The following MTA3 variants were observed in gnomAD, a reference collection of about 807,000 sequenced individuals.
The protein encoded by MTA3 is metastasis-associated protein MTA3.
A neutral mutation model predicts 83.5 loss-of-function variants in MTA3; 34 were observed. That is an observed-to-expected ratio of 0.41 (90% CI 0.31 to 0.54). MTA3 has a LOEUF of 0.54. Ranked by LOEUF, MTA3 falls within the 20% of genes least tolerant of loss-of-function variation. MTA3 has a pLI of 0.33. For missense variants in MTA3, 761 were observed against 726.4 expected (o/e 1.05, Z -0.55); for synonymous variants, 303 against 252.7 (o/e 1.20, Z -1.89).
intron 2 of MTA3, among the ~76,000 whole-genome samples, chr2:42,548,014 A>G (rs1004969360): frequency 6.6e-5 from 10 of 152,204 alleles, no homozygotes; most frequent in African/African-American, 1.9e-4. Flanking sequence ...AGCTACTATG[A>G]AAAATAAGAT....
intron 2 of MTA3, among the ~76,000 whole-genome samples, chr2:42,556,580 C>G (rs1677403174): frequency 6.6e-6 from 1 of 152,190 alleles, no homozygotes; most frequent in Non-Finnish European, 1.5e-5. Context: ...CACTCCCTCC[C>G]TCAAGTCTCC....
chr2:42,633,725 A>G (rs1470532873), intron 4 of MTA3, among the ~76,000 whole-genome samples: 1 of 152,010 alleles, frequency 6.6e-6, no homozygotes, highest in Non-Finnish European at 1.5e-5. Flanking sequence ...CCCCGTCTCT[A>G]CTAAAAATAC....
At chr2:42,682,853 A>G in intron 9 of MTA3, 1 of 381,020 alleles carries the variant, frequency 2.6e-6, no homozygotes, top group Non-Finnish European at 4.9e-6. Flanking sequence ...TGGGTGAATC[A>G]CAAGGTCAGG....
In MTA3 at chr2:42,755,693, G is replaced by C. The variant is rs1008334069; in HGVS notation, c.*2294G>C. On this transcript the variant is annotated 3_prime_UTR_variant, in exon 17 of 17. Coordinates refer to ENST00000405094, the MANE Select transcript of MTA3 (RefSeq NM_001330442.2). ...GTGCCTTTGCCGTTGGAAGCATTTG[G>C]TGCTGAGAGGGTTTCCCAGCCACCC... 12 of 985,444 alleles carry C rather than the reference G, an allele frequency of 1.2e-5. No homozygotes were observed. The highest frequency in any genetic ancestry group is 3.5e-5 in the African/African-American group (2 of 57,242). The allele number at this position is 985,444 out of a possible 1,614,324, so 61.0% of individuals were successfully genotyped here.
intron 8 of MTA3, 58 bp from the exon 9 acceptor site, chr2:42,682,343 C>A (rs1692009716): frequency 3.1e-6 from 4 of 1,284,812 alleles, no homozygotes; most frequent in South Asian, 1.6e-5. Flanking sequence ...TATATTCTTA[C>A]ATAATGTAGC....
chr2:42,606,934 C>A (rs1448501257), intron 3 of MTA3, among the ~76,000 whole-genome samples: 1 of 149,386 alleles, frequency 6.7e-6, no homozygotes, highest in Non-Finnish European at 1.5e-5. Context: ...TCAGGCGTGG[C>A]GGCGCGTGCC....
intron 2 of MTA3, among the ~76,000 whole-genome samples, chr2:42,527,631 G>C (rs1463133538): frequency 1.3e-5 from 2 of 151,972 alleles, no homozygotes; most frequent in South Asian, 4.1e-4. Context: ...CTCCTCAAAA[G>C]TGTTAAATAA....
rs1677294065 is a variant in MTA3 at position 42,554,677 on chromosome 2, TCTC to T, written c.-140-15756_-140-15754del. 2.0e-5 allele frequency among the ~76,000 whole-genome samples: 3 copies of T among 152,162 alleles called. No individual in the cohort carries two copies. The South Asian group carries it at 6.2e-4, about 32-fold the overall frequency. ...TCTACATGAAAATCTCCTTTTGAGA[TCTC>T]CTCTTTCCTCAAATCTGGAGGGTGG... On this transcript the variant is annotated intron_variant, in intron 2 of 17. Coordinates refer to the MTA3 transcript ENST00000405592.
intron 9 of MTA3, among the ~76,000 whole-genome samples, chr2:42,693,371 G>C (rs1693089236): frequency 6.6e-6 from 1 of 152,220 alleles, no homozygotes; most frequent in Admixed American, 6.5e-5. Context: ...TGCTGTCTGA[G>C]AACCAGGGAT....
At chr2:42,656,760 T>C (rs1002273037) in intron 7 of MTA3, among the ~76,000 whole-genome samples, 3 of 152,230 alleles carry the variant, frequency 2.0e-5, no homozygotes, top group African/African-American at 7.2e-5. Flanking sequence ...GCTGGCTTCC[T>C]TCCTTCCTCC....
intron 2 of MTA3, among the ~76,000 whole-genome samples, chr2:42,573,061 A>G (rs1210942807): frequency 6.6e-6 from 1 of 152,156 alleles, no homozygotes; most frequent in East Asian, 1.9e-4. Context: ...AAAGCAGTCA[A>G]GCTGCATGGA....
chr2:42,594,771 G>A, intron 3 of MTA3, among the ~76,000 whole-genome samples: 1 of 47,010 alleles, frequency 2.1e-5, no homozygotes, highest in Non-Finnish European at 3.5e-5. Flanking sequence ...CTGTTGCCCA[G>A]GCTGGAGTCC....
chr2:42,565,109 A>T (rs529530475), upstream of MTA3, among the ~76,000 whole-genome samples: 1 of 151,786 alleles, frequency 6.6e-6, no homozygotes, highest in Non-Finnish European at 1.5e-5. Flanking sequence ...TTTTTCGCAC[A>T]TATAAAAACT....
At chr2:42,606,192 G>A (rs112367134) in intron 3 of MTA3, among the ~76,000 whole-genome samples, 19 of 53,170 alleles carry the variant, frequency 3.6e-4, no homozygotes, top group Middle Eastern at 0.016. Flanking sequence ...GGCCGGGCGG[G>A]GGGCTGACCC....
At chr2:42,496,502 A>T (rs1426631669) in intron 2 of MTA3, among the ~76,000 whole-genome samples, 1 of 150,246 alleles carries the variant, frequency 6.7e-6, no homozygotes, top group Non-Finnish European at 1.5e-5. Context: ...TAGACTCGGG[A>T]TGGTATTTAG....
At chr2:42,558,149 A>G (rs764392996) in intron 2 of MTA3, among the ~76,000 whole-genome samples, 1 of 151,036 alleles carries the variant, frequency 6.6e-6, no homozygotes, top group Non-Finnish European at 1.5e-5. Flanking sequence ...ACCTCCCTCA[A>G]TGCTCCCTAG....
intron 4 of MTA3, among the ~76,000 whole-genome samples, chr2:42,624,044 G>T (rs1260217180): frequency 6.6e-6 from 1 of 152,068 alleles, no homozygotes; most frequent in East Asian, 1.9e-4. Flanking sequence ...ATGGTTGGAG[G>T]GGTAAAAGGG....
At chr2:42,701,723 C>T (rs574980473) in intron 11 of MTA3, among the ~76,000 whole-genome samples, 5 of 151,906 alleles carry the variant, frequency 3.3e-5, no homozygotes, top group African/African-American at 1.2e-4. Flanking sequence ...TGAGACAAGC[C>T]TGGCCAACAT....
At position 42,659,967 on chromosome 2, in the gene MTA3, C is replaced by T. The variant is rs557407573; in HGVS notation, c.702+105C>T. The T allele has an allele frequency of 6.2e-5, 42 of 675,956 alleles. No homozygotes were observed. In the South Asian group the frequency reaches 1.2e-3, roughly 19 times the overall value. The allele number at this position is 675,956 out of a possible 1,614,324, so 41.9% of individuals were successfully genotyped here. A position where few individuals can be genotyped will look rare whatever the true frequency, so the allele number is the denominator to read the frequency against. On this transcript the variant is annotated intron_variant, in intron 8 of 16. Coordinates refer to ENST00000405094, the MANE Select transcript of MTA3 (RefSeq NM_001330442.2). The stretch of plus-strand genomic sequence containing the variant: ...AGACCGGGAGCTTTTGGGCTCTTAG[C>T]CTTCCTGACTGCTAGGTTGATTTGG...
Sources: gnomAD v4.1 joint callset for allele counts (sites outside exome capture counted in the v4.1 genomes callset) on GRCh38, gnomAD v4.1.1 for gene constraint, MANE v1.5 for transcripts, NCBI Gene and HGNC (gene_info 2026-07-23, HGNC 2026-07-21) for gene names.